The following PHACTR4 variants were observed in gnomAD, a reference collection of about 807,000 sequenced individuals.
PHACTR4 encodes the protein phosphatase and actin regulator 4.
Under a neutral mutation model 72.7 loss-of-function variants are expected in PHACTR4, and 51 were observed. The ratio of observed to expected loss-of-function variants is 0.70; its 90% CI spans 0.56 to 0.89. PHACTR4 has a LOEUF of 0.89. Ranked by LOEUF, PHACTR4 falls within the 40% of genes least tolerant of loss-of-function variation. The pLI is 0.00. For synonymous variants in PHACTR4, 255 were observed against 302.5 expected, an observed-to-expected ratio of 0.84 and a Z score of 1.63; for missense variants, 731 against 861.8, an observed-to-expected ratio of 0.85 and a Z score of 1.90.
At chr1:28,405,045 T>A (rs919285287) in intron 1 of PHACTR4, among the ~76,000 whole-genome samples, 2 of 152,172 alleles carry the variant, frequency 1.3e-5, no homozygotes, top group African/African-American at 4.8e-5. Context: ...TAAAGTGTTA[T>A]CTCATTGTGA....
intron 6 of PHACTR4, among the ~76,000 whole-genome samples, chr1:28,469,007 G>A (rs1349638753): frequency 6.6e-6 from 1 of 152,024 alleles, no homozygotes; most frequent in Non-Finnish European, 1.5e-5. Flanking sequence ...TTGTAACTGA[G>A]GAATCAGTAT....
intron 1 of PHACTR4, among the ~76,000 whole-genome samples, chr1:28,384,378 G>T (rs979517823): frequency 6.6e-6 from 1 of 151,920 alleles, no homozygotes; most frequent in East Asian, 1.9e-4. Flanking sequence ...ATTTCTTCCT[G>T]GTTCAGTCTT....
intron 2 of PHACTR4, chr1:28,433,114 G>A (rs1656386091): frequency 8.1e-6 from 8 of 982,924 alleles, no homozygotes; most frequent in Non-Finnish European, 9.7e-6. Context: ...ACTTCCCCTT[G>A]AGGGACTAAG....
At chr1:28,495,617 T>TA (rs540978583) in intron 13 of PHACTR4, among the ~76,000 whole-genome samples, 15,656 of 150,094 alleles carry the variant, frequency 0.1, 1,873 homozygotes, top group African/African-American at 0.3. Flanking sequence ...TTATTTATTT[T>TA]TTTTTTTTTT....
chr1:28,394,450 T>A (rs1483486570), intron 1 of PHACTR4, among the ~76,000 whole-genome samples: 1 of 152,108 alleles, frequency 6.6e-6, no homozygotes, highest in Non-Finnish European at 1.5e-5. Flanking sequence ...CACACCAAGC[T>A]AATTTTTAAA....
intron 1 of PHACTR4, among the ~76,000 whole-genome samples, chr1:28,380,161 A>C (rs1246015657): frequency 1.5e-5 from 2 of 137,162 alleles, no homozygotes; most frequent in Non-Finnish European, 1.5e-5. Flanking sequence ...GGTTCACGCC[A>C]TTCTCCTGCC....
At chr1:28,436,274 ATT>A in intron 2 of PHACTR4, among the ~76,000 whole-genome samples, 1 of 147,602 alleles carries the variant, frequency 6.8e-6, no homozygotes, top group Non-Finnish European at 1.5e-5. Context: ...AATTATTTTA[ATT>A]TTTTTTTTTA....
intron 2 of PHACTR4, among the ~76,000 whole-genome samples, chr1:28,424,563 A>G (rs1250023722): frequency 6.6e-6 from 1 of 151,972 alleles, no homozygotes; most frequent in Non-Finnish European, 1.5e-5. Flanking sequence ...ATCTCAGCTC[A>G]CTGCAACCTC....
At chr1:28,437,616 C>T (rs1051322991) in intron 2 of PHACTR4, among the ~76,000 whole-genome samples, 2 of 152,156 alleles carry the variant, frequency 1.3e-5, no homozygotes, top group African/African-American at 4.8e-5. Flanking sequence ...GGCCTTCTTC[C>T]TGGTTTCCAG....
At chr1:28,482,286 C>T (rs995425250) in intron 9 of PHACTR4, among the ~76,000 whole-genome samples, 2 of 152,258 alleles carry the variant, frequency 1.3e-5, no homozygotes, top group Non-Finnish European at 2.9e-5. Flanking sequence ...CAGAAAGGCT[C>T]CTCTGTCACT....
intron 2 of PHACTR4, among the ~76,000 whole-genome samples, chr1:28,416,318 A>T (rs899578514): frequency 6.6e-6 from 1 of 152,160 alleles, no homozygotes; most frequent in Non-Finnish European, 1.5e-5. Context: ...TATAAAGGTC[A>T]ACATGTTTTT....
intron 1 of PHACTR4, among the ~76,000 whole-genome samples, chr1:28,405,712 G>A (rs1326737126): frequency 1.5e-4 from 23 of 151,478 alleles, no homozygotes; most frequent in Non-Finnish European, 5.9e-5. Flanking sequence ...CCAACATGGT[G>A]AAACTCTGTC....
At chr1:28,476,019 C>T (rs966754898) in intron 7 of PHACTR4, 88 bp from the exon 8 acceptor site, 18 of 1,296,072 alleles carry the variant, frequency 1.4e-5, no homozygotes, top group South Asian at 6.3e-5. Context: ...TGAGCCACCA[C>T]GCCCAGTCTT....
At chr1:28,473,371 C>A (rs780411074) in intron 6 of PHACTR4, among the ~76,000 whole-genome samples, 183 bp from the exon 7 acceptor site, 1 of 151,892 alleles carries the variant, frequency 6.6e-6, no homozygotes, top group African/African-American at 2.4e-5. Context: ...ATTTATTAAG[C>A]CTTCTATTTG....
At chr1:28,386,375 T>C (rs2124169042) in intron 1 of PHACTR4, among the ~76,000 whole-genome samples, 1 of 152,332 alleles carries the variant, frequency 6.6e-6, no homozygotes, top group Admixed American at 6.5e-5. Context: ...ATTACAGGCA[T>C]GAGCCACCAC....
At chr1:28,438,577 TC>T (rs750343328) in intron 2 of PHACTR4, 215 of 845,778 alleles carry the variant, frequency 2.5e-4, no homozygotes, top group Admixed American at 7.7e-4. Flanking sequence ...ATGAATGAAG[TC>T]ATGCGGAACA....
chr1:28,491,306 A>G (rs931328901), intron 11 of PHACTR4, among the ~76,000 whole-genome samples: 1 of 151,956 alleles, frequency 6.6e-6, no homozygotes, highest in African/African-American at 2.4e-5. Context: ...AAAAAAATAT[A>G]TATTAGCCAG....
rs1407154633 is a variant in PHACTR4 at position 28,461,973 on chromosome 1, C to T, written c.271+1681C>T. ...TCAGTATTTAGGTAGTTACGTACTACTTTAATGGTTTCACTGTAGCACCTC... is the reference window on the plus strand; with the variant it reads ...TCAGTATTTAGGTAGTTACGTACTATTTTAATGGTTTCACTGTAGCACCTC... On this transcript the variant is annotated intron_variant, in intron 4 of 13. Coordinates refer to ENST00000373839, the MANE Select transcript of PHACTR4 (RefSeq NM_001048183.3). Among the ~76,000 whole-genome samples, 2 of 150,624 alleles carry T rather than the reference C, an allele frequency of 1.3e-5. 1 individual carries two copies. Among genetic ancestry groups the T allele is most frequent in the African/African-American group, 5.0e-5 (2 of 40,194 alleles).
At chr1:28,440,076 C>T (rs1656895758) in intron 2 of PHACTR4, among the ~76,000 whole-genome samples, 2 of 151,768 alleles carry the variant, frequency 1.3e-5, no homozygotes, top group South Asian at 2.1e-4. Context: ...CCGAGGCAGG[C>T]GGATCATGAG....
Sources: allele counts gnomAD v4.1 joint callset (sites outside exome capture counted in the v4.1 genomes callset), GRCh38; gene constraint gnomAD v4.1.1; transcripts MANE v1.5; gene names NCBI Gene and HGNC (gene_info 2026-07-23, HGNC 2026-07-21).